The following MRAS variants were observed in gnomAD, a reference collection of about 807,000 sequenced individuals.
The protein encoded by MRAS is ras-related protein M-Ras.
A neutral mutation model predicts 20.9 loss-of-function variants in MRAS; 4 were observed. The observed-to-expected ratio is 0.19, with a 90% confidence interval of 0.09 to 0.44. The LOEUF (loss-of-function observed/expected upper bound fraction) is 0.44. Ranked by LOEUF, MRAS falls within the 20% of genes least tolerant of loss-of-function variation. The pLI is 0.99. For synonymous variants in MRAS, 98 were observed against 102.9 expected, an observed-to-expected ratio of 0.95 and a Z score of 0.29; for missense variants, 154 against 277.5, an observed-to-expected ratio of 0.56 and a Z score of 3.16.
chr3:138,394,802 C>T (rs1361819087), intron 2 of MRAS, among the ~76,000 whole-genome samples: 1 of 152,150 alleles, frequency 6.6e-6, no homozygotes, highest in Non-Finnish European at 1.5e-5. Flanking sequence ...TCTCTATCCC[C>T]ACACTTTCCT....
At chr3:138,378,547 C>T (rs939891984) in intron 2 of MRAS, among the ~76,000 whole-genome samples, 5 of 152,202 alleles carry the variant, frequency 3.3e-5, no homozygotes, top group East Asian at 1.9e-4. Flanking sequence ...GGGTTTGCTT[C>T]GGCTGTCCCA....
chr3:138,360,152 A>C (rs963664768), intron 1 of MRAS, among the ~76,000 whole-genome samples: 3 of 152,210 alleles, frequency 2.0e-5, no homozygotes, highest in Non-Finnish European at 2.9e-5. Context: ...CGGCACGTGC[A>C]CGTGACTTTG....
At chr3:138,375,367 G>T (rs545529800) in intron 2 of MRAS, among the ~76,000 whole-genome samples, 2 of 152,238 alleles carry the variant, frequency 1.3e-5, no homozygotes, top group South Asian at 2.1e-4. Context: ...TCTAATTTTG[G>T]TATCAGAGTA....
At chr3:138,355,299 C>T (rs150333021) in intron 1 of MRAS, among the ~76,000 whole-genome samples, 103 of 152,258 alleles carry the variant, frequency 6.8e-4, no homozygotes, top group African/African-American at 2.4e-3. Context: ...CTCTCCATGA[C>T]GACAGGACGC....
chr3:138,356,130 C>A (rs1270688169), intron 1 of MRAS, among the ~76,000 whole-genome samples: 1 of 152,210 alleles, frequency 6.6e-6, no homozygotes, highest in African/African-American at 2.4e-5. Flanking sequence ...TGGAAATCCA[C>A]ATATGTGTTA....
At chr3:138,382,882 A>G (rs1376772955) in intron 2 of MRAS, among the ~76,000 whole-genome samples, 1 of 152,208 alleles carries the variant, frequency 6.6e-6, no homozygotes, top group African/African-American at 2.4e-5. Context: ...GTTTGGGCCA[A>G]GCACACCAGC....
intron 2 of MRAS, among the ~76,000 whole-genome samples, chr3:138,389,510 G>A (rs9848655): frequency 0.11 from 16,804 of 147,742 alleles, 1,106 homozygotes; most frequent in Non-Finnish European, 0.16. Flanking sequence ...GGAGAGGAGG[G>A]GAAAGGGCAT....
intron 1 of MRAS, among the ~76,000 whole-genome samples, chr3:138,357,892 C>G (rs1462735177): frequency 6.6e-6 from 1 of 152,234 alleles, no homozygotes; most frequent in African/African-American, 2.4e-5. Flanking sequence ...GTGGCTGTCT[C>G]CTCAAACCTA....
intron 2 of MRAS, among the ~76,000 whole-genome samples, chr3:138,386,471 C>T (rs1011057832): frequency 5.9e-5 from 9 of 152,198 alleles, no homozygotes; most frequent in Admixed American, 2.0e-4. Context: ...TTCTAGTGTA[C>T]GGATATACTA....
intron 3 of MRAS, among the ~76,000 whole-genome samples, 173 bp from the exon 4 acceptor site, chr3:138,398,296 T>A (rs897142554): frequency 1.3e-5 from 2 of 152,150 alleles, no homozygotes; most frequent in African/African-American, 4.8e-5. Flanking sequence ...CCGGGCCCTT[T>A]CCCCCAAGCC....
chr3:138,379,462 A>G (rs1274232586), intron 2 of MRAS, among the ~76,000 whole-genome samples: 1 of 148,310 alleles, frequency 6.7e-6, no homozygotes. Context: ...GGTTCAAGCA[A>G]TTCTCCTGCC....
chr3:138,369,741 C>A lies in MRAS; in HGVS notation c.-18-3125C>A, dbSNP rs561022198. ...TCTCTGAGGGTTCAACCTCTGAGAG[C>A]AGGGTGCTGTCAAAAGGAGGGGGCC... On this transcript the variant is annotated intron_variant, in intron 1 of 5. Transcript: ENST00000423968. Among the ~76,000 whole-genome samples, 3 of 152,232 alleles carry A rather than the reference C, an allele frequency of 2.0e-5. No individual in the cohort carries two copies. The East Asian group carries it at 5.8e-4, about 29-fold the overall frequency.
intron 1 of MRAS, among the ~76,000 whole-genome samples, chr3:138,353,001 A>G (rs1219765668): frequency 6.6e-6 from 1 of 152,200 alleles, no homozygotes; most frequent in Non-Finnish European, 1.5e-5. Flanking sequence ...CACTACCAGT[A>G]TTCAAGCAAC....
chr3:138,365,849 G>T (rs2054548301), intron 1 of MRAS, among the ~76,000 whole-genome samples: 1 of 152,182 alleles, frequency 6.6e-6, no homozygotes, highest in African/African-American at 2.4e-5. Context: ...TCTGGGAATG[G>T]GGGGGAGCAG....
intron 2 of MRAS, among the ~76,000 whole-genome samples, chr3:138,377,709 G>T (rs1178645393): frequency 6.6e-6 from 1 of 152,172 alleles, no homozygotes; most frequent in Non-Finnish European, 1.5e-5. Flanking sequence ...CAGTTGCCCT[G>T]TACCCCACTG....
At chr3:138,371,671 C>T (rs1337996495) in intron 1 of MRAS, among the ~76,000 whole-genome samples, 1 of 152,172 alleles carries the variant, frequency 6.6e-6, no homozygotes, top group Non-Finnish European at 1.5e-5. Flanking sequence ...CCAGGAATGC[C>T]CTACCAGGAG....
rs1051968601 is a variant in MRAS, at chr3:138,366,146, G to A, written c.-18-6720G>A. ...ATTAACACACAGCTTGCAGGTCAGC[G>A]CTCTGGTGAAGCTGCCCATTTCTGG... On this transcript the variant is annotated intron_variant, in intron 1 of 5. Coordinates refer to ENST00000423968, the MANE Select transcript of MRAS (RefSeq NM_001085049.3). Among the ~76,000 whole-genome samples, 7 of 152,308 alleles carry A rather than the reference G, an allele frequency of 4.6e-5. No individual in the cohort carries two copies. The East Asian group carries it at 1.4e-3, about 29-fold the overall frequency.
chr3:138,355,556 C>A (rs1288416029), intron 1 of MRAS, among the ~76,000 whole-genome samples: 1 of 152,202 alleles, frequency 6.6e-6, no homozygotes, highest in East Asian at 1.9e-4. Context: ...ATAGTGGGGA[C>A]CTGCGGGAGA....
intron 1 of MRAS, 80 bp downstream of exon 1, chr3:138,348,847 G>T (rs569475578): frequency 6.6e-6 from 1 of 151,784 alleles, no homozygotes; most frequent in African/African-American, 2.4e-5. Flanking sequence ...GTTCCGGGGC[G>T]GGAGGTGTGG....
Sources: gnomAD v4.1 joint callset for allele counts (sites outside exome capture counted in the v4.1 genomes callset) on GRCh38, gnomAD v4.1.1 for gene constraint, MANE v1.5 for transcripts, NCBI Gene and HGNC (gene_info 2026-07-23, HGNC 2026-07-21) for gene names.